Variants in PLXNC1 observed in about 807,000 individuals in gnomAD.
PLXNC1 encodes the protein plexin C1, also known as plexin-C1.
Under a neutral mutation model 178.2 loss-of-function variants are expected in PLXNC1, and 75 were observed. That is an observed-to-expected ratio of 0.42 (90% CI 0.35 to 0.51). The LOEUF (loss-of-function observed/expected upper bound fraction) is 0.51, where lower values mean the gene tolerates loss of function less well. PLXNC1 is among the 20% of genes least tolerant of loss of function. PLXNC1 has a pLI of 0.02. For synonymous variants in PLXNC1, 790 were observed against 779.9 expected (o/e 1.01, Z -0.22); for missense variants, 1,503 against 1,984.4 (o/e 0.76, Z 4.61).
At chr12:94,267,350 C>T (rs954342786) in intron 21 of PLXNC1, among the ~76,000 whole-genome samples, 6 of 152,212 alleles carry the variant, frequency 3.9e-5, no homozygotes, top group Middle Eastern at 3.4e-3. Context: ...CCTTTCATTT[C>T]GAAACATTAT....
rs955356731 is a variant in PLXNC1 at position 94,263,351 on chromosome 12, G to C, written c.3451-1728G>C. Among the ~76,000 whole-genome samples, 4 of 152,192 alleles carry C rather than the reference G, an allele frequency of 2.6e-5. No individual in the cohort carries two copies. The East Asian group carries it at 7.7e-4, about 29-fold the overall frequency. Reference sequence around the variant, plus strand: ...GCAAGGGATTCTGGTGATTAGCCAGGGTTAGACCCAGGAGCATGGGCAGAG... The same window carrying C: ...GCAAGGGATTCTGGTGATTAGCCAGCGTTAGACCCAGGAGCATGGGCAGAG... On this transcript the variant is annotated intron_variant, in intron 20 of 30. Coordinates refer to ENST00000258526, the MANE Select transcript of PLXNC1 (RefSeq NM_005761.3).
chr12:94,233,660 C>G (rs571141999), intron 9 of PLXNC1, among the ~76,000 whole-genome samples: 2 of 152,288 alleles, frequency 1.3e-5, no homozygotes, highest in South Asian at 4.1e-4. Context: ...TTCCCTGGAG[C>G]CTGTACCGAG....
intron 4 of PLXNC1, among the ~76,000 whole-genome samples, chr12:94,204,925 C>T (rs575720325): frequency 6.6e-6 from 1 of 152,140 alleles, no homozygotes; most frequent in Admixed American, 6.5e-5. Context: ...ACACTAACCC[C>T]CACATTCAAG....
intron 4 of PLXNC1, among the ~76,000 whole-genome samples, chr12:94,193,881 G>A (rs1962816567): frequency 6.6e-6 from 1 of 152,142 alleles, no homozygotes; most frequent in South Asian, 2.1e-4. Context: ...TTCCACACTG[G>A]CAACATGGGC....
chr12:94,207,353 T>C (rs1378745573), intron 4 of PLXNC1, among the ~76,000 whole-genome samples: 1 of 152,134 alleles, frequency 6.6e-6, no homozygotes, highest in Non-Finnish European at 1.5e-5. Context: ...CCTTTTTTTT[T>C]CAAAAAGTAA....
rs777654928 is a variant in PLXNC1, at chr12:94,307,609, A to C, written c.*2324A>C. On this transcript the variant is annotated 3_prime_UTR_variant, in exon 31 of 31. Coordinates refer to ENST00000258526, the MANE Select transcript of PLXNC1 (RefSeq NM_005761.3). ...TATTTCTTATTGTATACCTGATTGA[A>C]GCTGTTCTTGGAGATGAATGTTTTA... is the stretch of plus-strand genomic sequence containing the variant. 2 of 152,042 alleles carry C rather than the reference A, an allele frequency of 1.3e-5. No homozygotes were observed. Among genetic ancestry groups the C allele is most frequent in the Non-Finnish European group, 1.5e-5 (1 of 68,012 alleles). 9.4% of individuals were successfully genotyped at this position (152,042 alleles called of 1,614,324 possible).
intron 4 of PLXNC1, among the ~76,000 whole-genome samples, chr12:94,208,120 C>T (rs1331171502): frequency 6.6e-6 from 1 of 152,162 alleles, no homozygotes; most frequent in African/African-American, 2.4e-5. Flanking sequence ...TTAATTTGAA[C>T]TTAATGTCTT....
rs1592710675 is a variant in PLXNC1 at position 94,149,411 on chromosome 12, T to A, written c.440T>A (p.Leu147Gln). Residue 147 changes from leucine to glutamine, a missense_variant, in exon 1 of 31, where the codon CTG becomes CAG. Leu to Gln is a moderately radical substitution (Grantham distance 113). Transcript: ENST00000258526. Reference sequence around the variant, plus strand: ...CTGGGCAACCTGAGCCGCAACTCCCTGCGCAACGGCACCGAGGTGGTGTCG... The same window carrying A: ...CTGGGCAACCTGAGCCGCAACTCCCAGCGCAACGGCACCGAGGTGGTGTCG... Reference protein sequence around the residue: ...RPLGNLSRNSLRNGTEVVSCH... With the variant: ...RPLGNLSRNSQRNGTEVVSCH... 1.4e-6 allele frequency: 2 copies of A among 1,436,846 alleles called. No homozygotes were observed. The highest frequency in any genetic ancestry group is 2.7e-5 in the East Asian group (1 of 36,556). The allele number at this position is 1,436,846 out of a possible 1,614,324, so 89.0% of individuals were successfully genotyped here.
intron 21 of PLXNC1, chr12:94,272,174 C>A (rs1592855451): frequency 6.6e-6 from 1 of 152,312 alleles, no homozygotes; most frequent in East Asian, 1.9e-4. Flanking sequence ...ATTCCCAAAT[C>A]AATCAGGATG....
At chr12:94,303,509 A>C (rs1317728932) in intron 28 of PLXNC1, among the ~76,000 whole-genome samples, 1 of 152,150 alleles carries the variant, frequency 6.6e-6, no homozygotes, top group African/African-American at 2.4e-5. Context: ...TTATGAGAGG[A>C]AGGCAGAATA....
At chr12:94,294,887 TACAG>T (rs1256154777) in intron 24 of PLXNC1, among the ~76,000 whole-genome samples, 2 of 151,478 alleles carry the variant, frequency 1.3e-5, no homozygotes, top group African/African-American at 4.9e-5. Flanking sequence ...GAGGGAAGAG[TACAG>T]ACAATCATCA....
chr12:94,187,335 A>G (rs1962553911), intron 4 of PLXNC1, among the ~76,000 whole-genome samples: 1 of 152,212 alleles, frequency 6.6e-6, no homozygotes, highest in South Asian at 2.1e-4. Flanking sequence ...CAGGAGGAAG[A>G]GAATTGGTGA....
chr12:94,270,796 G>A (rs573722574), intron 21 of PLXNC1, among the ~76,000 whole-genome samples: 3 of 150,492 alleles, frequency 2.0e-5, no homozygotes, highest in Non-Finnish European at 1.5e-5. Context: ...AAAGGCTCTC[G>A]TTACCCTGTC....
intron 4 of PLXNC1, among the ~76,000 whole-genome samples, chr12:94,199,774 T>TTTTG (rs1040993676): frequency 2.6e-5 from 4 of 152,288 alleles, no homozygotes; most frequent in East Asian, 1.9e-4. Flanking sequence ...AGCCAGGCTT[T>TTTTG]TTTGTTTGTT....
chr12:94,255,317 T>C (rs1468385513), intron 17 of PLXNC1, 21 bp downstream of exon 17: 2 of 1,481,136 alleles, frequency 1.4e-6, no homozygotes, highest in African/African-American at 2.8e-5. Flanking sequence ...ATTGATCATA[T>C]TCCGAAGGTT....
chr12:94,169,396 C>G, intron 2 of PLXNC1, 103 bp downstream of exon 2: 2 of 958,884 alleles, frequency 2.1e-6, no homozygotes, highest in Non-Finnish European at 3.2e-6. Flanking sequence ...GAGACCAAAC[C>G]AAGAACTTCA....
rs572196694 is a variant in PLXNC1 at position 94,171,840 on chromosome 12, C to G, written c.1203+2547C>G. On this transcript the variant is annotated intron_variant, in intron 2 of 30. Transcript: ENST00000258526. ...GAATTAACACCCACCCCCCAAGCCCCCAATAAGAGAGAAGTTCTCTCACTC... is the reference window on the plus strand; with the variant it reads ...GAATTAACACCCACCCCCCAAGCCCGCAATAAGAGAGAAGTTCTCTCACTC... Among the ~76,000 whole-genome samples the G allele has an allele frequency of 3.3e-5, 5 of 152,250 alleles. No individual in the cohort carries two copies. In the East Asian group the frequency reaches 7.7e-4, roughly 24 times the overall value.
At chr12:94,162,589 A>T (rs1010400106) in intron 1 of PLXNC1, among the ~76,000 whole-genome samples, 9 of 152,006 alleles carry the variant, frequency 5.9e-5, no homozygotes, top group African/African-American at 2.2e-4. Flanking sequence ...ACACCAAGAG[A>T]CTCTTGCACT....
At chr12:94,239,451 C>T (rs75428297) in intron 10 of PLXNC1, among the ~76,000 whole-genome samples, 12,958 of 152,228 alleles carry the variant, frequency 0.085, 832 homozygotes, top group African/African-American at 0.18. Context: ...TCTGAGGTGG[C>T]GTAAGTACAA....
Sources: gnomAD v4.1 joint callset for allele counts (sites outside exome capture counted in the v4.1 genomes callset) on GRCh38, gnomAD v4.1.1 for gene constraint, MANE v1.5 for transcripts, NCBI Gene and HGNC (gene_info 2026-07-23, HGNC 2026-07-21) for gene names.